The following CDH3 variants were observed in gnomAD, a reference collection of about 807,000 sequenced individuals.
CDH3 encodes the protein cadherin 3, also known as cadherin-3.
In CDH3, 54 loss-of-function variants were observed where a neutral mutation model predicts 82.0. The ratio of observed to expected loss-of-function variants is 0.66; its 90% CI spans 0.53 to 0.83. The LOEUF (loss-of-function observed/expected upper bound fraction) is 0.83. Ranked by LOEUF, CDH3 falls within the 40% of genes least tolerant of loss-of-function variation. The pLI is 0.00. For missense variants in CDH3, 1,054 were observed against 1,084.6 expected, an observed-to-expected ratio of 0.97 and a Z score of 0.40; for synonymous variants, 446 against 437.9, an observed-to-expected ratio of 1.02 and a Z score of -0.23.
chr16:68,686,588 GTTC>G (rs1180703889), intron 11 of CDH3: 16 of 1,236,064 alleles, frequency 1.3e-5, no homozygotes, highest in African/African-American at 5.8e-5. Context: ...TGGAGATAAA[GTTC>G]TTCTTCCAGA....
intron 2 of CDH3, among the ~76,000 whole-genome samples, chr16:68,646,510 C>CCCCCCCG (rs368020659): frequency 6.4e-5 from 9 of 140,056 alleles, no homozygotes; most frequent in African/African-American, 2.3e-4. Context: ...CTACCCCCCC[C>CCCCCCCG]CTCCCCGCCC....
At chr16:68,692,018 A>G (rs958355468) in intron 13 of CDH3, 92 bp downstream of exon 13, 30 of 989,514 alleles carry the variant, frequency 3.0e-5, no homozygotes, top group Non-Finnish European at 4.4e-5. Flanking sequence ...CTAAGAGGCC[A>G]CCAACATTGC....
At position 68,723,066 on chromosome 16, in the gene CDH3, T is replaced by A. The variant is rs966835582; in HGVS notation, c.*45+450T>A. ...CCTCTATTACTTTTTTTTTTTTTTA[T>A]CTTTTAGAGATAATATTTGACATAT... On this transcript the variant is annotated intron_variant, in intron 2 of 2. Transcript: ENST00000569080. 8.3e-5 allele frequency among the ~76,000 whole-genome samples: 12 copies of A among 145,394 alleles called. No homozygotes were observed. The East Asian group carries it at 2.4e-3, about 29-fold the overall frequency.
At chr16:68,681,743 C>T (rs1046025113) in intron 8 of CDH3, among the ~76,000 whole-genome samples, 1 of 152,136 alleles carries the variant, frequency 6.6e-6, no homozygotes. Flanking sequence ...GAAGCTGAGA[C>T]ATGAGGATCG....
intron 8 of CDH3, 49 bp downstream of exon 8, chr16:68,681,145 A>C (rs769303958): frequency 3.7e-6 from 6 of 1,609,836 alleles, no homozygotes; most frequent in East Asian, 4.5e-5. Flanking sequence ...GAAGGACCAA[A>C]GTTTGCCTTT....
chr16:68,725,976 G>A (rs189263127), intron 2 of CDH3, among the ~76,000 whole-genome samples: 158 of 152,216 alleles, frequency 1.0e-3, no homozygotes, highest in Non-Finnish European at 2.0e-3. Flanking sequence ...GATCGCTTGA[G>A]CCCAGGAGGC....
At chr16:68,665,546 C>G (rs1960709485) in intron 2 of CDH3, among the ~76,000 whole-genome samples, 1 of 152,148 alleles carries the variant, frequency 6.6e-6, no homozygotes, top group African/African-American at 2.4e-5. Flanking sequence ...TGAGTACTTA[C>G]TGTTAAACAG....
chr16:68,654,473 C>A (rs1247059449), intron 2 of CDH3, among the ~76,000 whole-genome samples: 1 of 99,804 alleles, frequency 1.0e-5, no homozygotes, highest in African/African-American at 4.0e-5. Context: ...GAGGCCGAGG[C>A]AGGCGGATCA....
At position 68,685,845 on chromosome 16, in the gene CDH3, C is replaced by T. The variant is rs1308491148; in HGVS notation, c.1570+495C>T. On this transcript the variant is annotated intron_variant, in intron 11 of 15. Coordinates refer to ENST00000264012, the MANE Select transcript of CDH3 (RefSeq NM_001793.6). ...CAAAAGACTGATCCTAGGGACTGGC[C>T]ATGATTCCAATTTCCCTAAAACCCA... Among the ~76,000 whole-genome samples the T allele has an allele frequency of 2.0e-5, 3 of 152,134 alleles. No homozygotes were observed. In the East Asian group the frequency reaches 5.8e-4, roughly 29 times the overall value.
At chr16:68,727,408 T>C (rs1243819765) in exon 3 of CDH3, among the ~76,000 whole-genome samples, 1 of 152,222 alleles carries the variant, frequency 6.6e-6, no homozygotes, top group Admixed American at 6.5e-5. Flanking sequence ...GTATATATCC[T>C]ATTTGTTCTG....
downstream of CDH3, among the ~76,000 whole-genome samples, chr16:68,702,303 G>T (rs552567726): frequency 1.3e-5 from 2 of 152,186 alleles, no homozygotes; most frequent in South Asian, 4.2e-4. Context: ...ATAGATATTG[G>T]TCATTCTAAT....
At chr16:68,680,007 C>A in intron 7 of CDH3, 33 bp downstream of exon 7, 1 of 1,599,836 alleles carries the variant, frequency 6.3e-7, no homozygotes, top group Non-Finnish European at 8.6e-7. Context: ...ACTGCCTACC[C>A]AGACTTGCCC....
chr16:68,695,653 G>T, intron 14 of CDH3, 124 bp from the exon 15 acceptor site: 1 of 1,156,530 alleles, frequency 8.6e-7, no homozygotes. Flanking sequence ...GACATCATCT[G>T]TCTTGTAAGA....
intron 2 of CDH3, among the ~76,000 whole-genome samples, chr16:68,648,749 C>G (rs1797320189): frequency 6.6e-6 from 1 of 152,078 alleles, no homozygotes; most frequent in Admixed American, 6.6e-5. Flanking sequence ...GTGCCCAGCT[C>G]CCTGGCATTT....
At chr16:68,660,966 C>CAA (rs10590071) in intron 2 of CDH3, among the ~76,000 whole-genome samples, 1 of 117,018 alleles carries the variant, frequency 8.5e-6, no homozygotes. Flanking sequence ...GACTCCGTCT[C>CAA]AAAAAAAAAA....
chr16:68,676,640 AG>A (rs1239961782), intron 3 of CDH3, among the ~76,000 whole-genome samples, 170 bp downstream of exon 3: 1 of 152,198 alleles, frequency 6.6e-6, no homozygotes, highest in Non-Finnish European at 1.5e-5. Flanking sequence ...CACTGATCTA[AG>A]GGGGGTAGTG....
downstream of CDH3, among the ~76,000 whole-genome samples, chr16:68,731,047 A>AAAATATATAT (rs1962279500): frequency 3.8e-5 from 1 of 26,352 alleles, no homozygotes; most frequent in African/African-American, 1.4e-4. Flanking sequence ...AAAAAAAAAA[A>AAAATATATAT]ATATATATAT....
downstream of CDH3, among the ~76,000 whole-genome samples, chr16:68,701,349 C>T (rs144097869): frequency 6.5e-3 from 989 of 152,160 alleles, 14 homozygotes; most frequent in African/African-American, 0.023. Flanking sequence ...AAGCTTAGGA[C>T]TCTGATCCTT....
intron 1 of CDH3, among the ~76,000 whole-genome samples, chr16:68,714,957 T>C (rs1339640208): frequency 6.6e-6 from 1 of 151,802 alleles, no homozygotes; most frequent in East Asian, 1.9e-4. Flanking sequence ...CAGTGAGCTA[T>C]GATTGGGCCA....
Sources: allele counts gnomAD v4.1 joint callset (sites outside exome capture counted in the v4.1 genomes callset), GRCh38; gene constraint gnomAD v4.1.1; transcripts MANE v1.5; gene names NCBI Gene and HGNC (gene_info 2026-07-23, HGNC 2026-07-21).